Variants in CHSY3 observed in about 807,000 individuals in gnomAD.
CHSY3 encodes chondroitin sulfate synthase 3.
CHSY3 carries 35 observed loss-of-function variants against 67.2 expected under a neutral mutation model. The observed-to-expected ratio is 0.52, with a 90% CI of 0.40 to 0.69. The LOEUF (loss-of-function observed/expected upper bound fraction) is 0.69, where lower values mean the gene tolerates loss of function less well. Among genes scored for constraint, CHSY3 ranks in the 30% least tolerant of loss-of-function variants. The probability of loss-of-function intolerance (pLI) is 0.00; values close to 1 mark genes in which losing one functional copy is unlikely to be tolerated. For missense variants in CHSY3, 1,069 were observed against 1,138.5 expected (o/e 0.94, Z 0.88); for synonymous variants, 474 against 434.7 (o/e 1.09, Z -1.12).
chr5:130,078,664 G>A (rs980132823), intron 2 of CHSY3, among the ~76,000 whole-genome samples: 1 of 152,052 alleles, frequency 6.6e-6, no homozygotes, highest in Non-Finnish European at 1.5e-5. Context: ...AGACCATTTG[G>A]ACATAGGATG....
chr5:130,150,006 T>C (rs1189722752), intron 2 of CHSY3, among the ~76,000 whole-genome samples: 1 of 152,212 alleles, frequency 6.6e-6, no homozygotes, highest in Non-Finnish European at 1.5e-5. Context: ...AGACTGAAAG[T>C]ATGTATATAA....
chr5:130,179,328 A>AT (rs1203047926), intron 2 of CHSY3, among the ~76,000 whole-genome samples: 3 of 151,490 alleles, frequency 2.0e-5, no homozygotes, highest in Non-Finnish European at 4.4e-5. Flanking sequence ...CTTCTGTTTT[A>AT]TTTTTTTTCC....
intron 2 of CHSY3, among the ~76,000 whole-genome samples, chr5:130,146,656 T>G (rs893083253): frequency 6.6e-6 from 1 of 152,110 alleles, no homozygotes; most frequent in Non-Finnish European, 1.5e-5. Flanking sequence ...CGTTTATCAT[T>G]AAGGTAATGG....
At chr5:130,037,278 G>C (rs1029160204) in intron 2 of CHSY3, among the ~76,000 whole-genome samples, 2 of 152,092 alleles carry the variant, frequency 1.3e-5, no homozygotes, top group Non-Finnish European at 2.9e-5. Context: ...TGAGGCCCTT[G>C]ATGGGCAAGT....
At chr5:129,914,654 G>A (rs1016590388) in intron 2 of CHSY3, among the ~76,000 whole-genome samples, 6 of 152,050 alleles carry the variant, frequency 3.9e-5, no homozygotes, top group African/African-American at 1.4e-4. Flanking sequence ...ATCATGCATC[G>A]ATTTTGTAAA....
intron 2 of CHSY3, among the ~76,000 whole-genome samples, chr5:130,034,199 A>T (rs1347371711): frequency 1.2e-4 from 2 of 17,084 alleles, no homozygotes; most frequent in Admixed American, 7.8e-4. Flanking sequence ...TACAGCAGTT[A>T]AGTTTTTCTT....
At chr5:130,111,721 T>C (rs1464164287) in intron 2 of CHSY3, among the ~76,000 whole-genome samples, 1 of 152,088 alleles carries the variant, frequency 6.6e-6, no homozygotes, top group Non-Finnish European at 1.5e-5. Flanking sequence ...TCCCAGGTGA[T>C]TCTAATATTC....
At chr5:130,115,398 A>G (rs1767759659) in intron 2 of CHSY3, among the ~76,000 whole-genome samples, 1 of 152,138 alleles carries the variant, frequency 6.6e-6, no homozygotes, top group East Asian at 1.9e-4. Context: ...CAATTTCCAT[A>G]TAGTGTTTCT....
At chr5:129,997,665 A>C (rs1763582958) in intron 2 of CHSY3, among the ~76,000 whole-genome samples, 1 of 150,324 alleles carries the variant, frequency 6.7e-6, no homozygotes. Flanking sequence ...TCAGCCTCCC[A>C]CCCCCCAACA....
intron 2 of CHSY3, among the ~76,000 whole-genome samples, chr5:130,151,214 T>C (rs539898867): frequency 6.6e-6 from 1 of 152,306 alleles, no homozygotes; most frequent in African/African-American, 2.4e-5. Flanking sequence ...CAGGTACACT[T>C]TTAAGTTTTG....
At chr5:129,924,315 G>T (rs1269671147) in intron 2 of CHSY3, among the ~76,000 whole-genome samples, 1 of 151,920 alleles carries the variant, frequency 6.6e-6, no homozygotes, top group Non-Finnish European at 1.5e-5. Flanking sequence ...TATCTCAAGA[G>T]GTGACATATT....
rs1760211141 is a variant in CHSY3, at chr5:129,905,179, AG to A, written c.351del (p.Glu117AspfsTer61). The A allele has an allele frequency of 6.6e-7, 1 of 1,522,902 alleles. No individual in the cohort carries two copies. The highest frequency in any genetic ancestry group is 8.8e-7 in the Non-Finnish European group (1 of 1,141,738). The allele number at this position is 1,522,902 out of a possible 1,614,324, so 94.3% of individuals were successfully genotyped here. A position where few individuals can be genotyped will look rare whatever the true frequency, so the allele number is the denominator to read the frequency against. On this transcript the variant is annotated frameshift_variant, in exon 1 of 3. Transcript: ENST00000305031. LOFTEE classifies it high-confidence loss of function. ...PPLQQRRRGR[E>X]PEGATGLPGA... Reference sequence around the variant, plus strand: ...CTGCAGCAGCGGCGGCGAGGACGCGAGCCTGAGGGCGCGACGGGGCTTCCCG... The same window carrying A: ...CTGCAGCAGCGGCGGCGAGGACGCGACCTGAGGGCGCGACGGGGCTTCCCG...
chr5:130,094,468 A>G (rs2149694814), intron 2 of CHSY3, among the ~76,000 whole-genome samples: 1 of 152,200 alleles, frequency 6.6e-6, no homozygotes, highest in Middle Eastern at 3.4e-3. Context: ...ATTTAATTCT[A>G]ATTAATTCCA....
Position 130,086,423 on chromosome 5 carries a change from G to A in CHSY3, c.1087-97806G>A, listed in dbSNP as rs1368683862. ...TTAAAGTCTGTTTTATCAGAGACTA[G>A]GATTGCAACCCCTGCCTTTTTTTGT... On this transcript the variant is annotated intron_variant, in intron 2 of 2. Transcript: ENST00000305031. 3.3e-5 allele frequency among the ~76,000 whole-genome samples: 5 copies of A among 151,958 alleles called. No homozygotes were observed. In the East Asian group the frequency reaches 9.7e-4, roughly 29 times the overall value.
intron 2 of CHSY3, 26 bp from the exon 3 acceptor site, chr5:130,184,203 C>A: frequency 7.0e-7 from 1 of 1,436,574 alleles, no homozygotes; most frequent in East Asian, 2.4e-5. Flanking sequence ...AAAATTAACC[C>A]TGATTTTTTT....
chr5:130,059,790 G>T (rs116113426), intron 2 of CHSY3, among the ~76,000 whole-genome samples: 179 of 152,124 alleles, frequency 1.2e-3, no homozygotes, highest in African/African-American at 4.0e-3. Context: ...CTTTTCAAAA[G>T]AGTTATCAAC....
chr5:130,080,498 C>G (rs1050582613), intron 2 of CHSY3, among the ~76,000 whole-genome samples: 1 of 152,064 alleles, frequency 6.6e-6, no homozygotes, highest in African/African-American at 2.4e-5. Context: ...AATTTGTTGG[C>G]TCCATTCTTA....
At chr5:130,017,480 G>T (rs1052241410) in intron 2 of CHSY3, among the ~76,000 whole-genome samples, 1 of 152,100 alleles carries the variant, frequency 6.6e-6, no homozygotes, top group Admixed American at 6.6e-5. Flanking sequence ...GAAGGCTGGG[G>T]TAGCGTACTT....
chr5:130,166,034 A>C (rs1769737039), intron 2 of CHSY3, among the ~76,000 whole-genome samples: 1 of 152,178 alleles, frequency 6.6e-6, no homozygotes, highest in South Asian at 2.1e-4. Flanking sequence ...TAGTGAAAAC[A>C]GAGCCATGAA....
Sources: allele counts gnomAD v4.1 joint callset (sites outside exome capture counted in the v4.1 genomes callset), GRCh38; gene constraint gnomAD v4.1.1; transcripts MANE v1.5; gene names NCBI Gene and HGNC (gene_info 2026-07-23, HGNC 2026-07-21).